The following ZZZ3 variants were observed in gnomAD, a reference collection of about 807,000 sequenced individuals.
The protein encoded by ZZZ3 is zinc finger ZZ-type containing 3, also known as ZZ-type zinc finger-containing protein 3.
A neutral mutation model predicts 95.2 loss-of-function variants in ZZZ3; 22 were observed. The observed-to-expected ratio is 0.23, with a 90% CI of 0.17 to 0.33. The LOEUF (loss-of-function observed/expected upper bound fraction) is 0.33, where lower values mean the gene tolerates loss of function less well. ZZZ3 is among the 10% of genes least tolerant of loss of function. The probability of loss-of-function intolerance (pLI) is 1.00; values close to 1 mark genes in which losing one functional copy is unlikely to be tolerated. For missense variants in ZZZ3, 885 were observed against 1,066.5 expected (o/e 0.83, Z 2.37); for synonymous variants, 335 against 358.9 (o/e 0.93, Z 0.75).
In ZZZ3 at chr1:77,651,760, A is replaced by G. The variant is rs61777119; in HGVS notation, c.-402-10105T>C. 6.6e-3 allele frequency among the ~76,000 whole-genome samples: 1,011 copies of G among 152,310 alleles called. 5 individuals are homozygous for G. Among genetic ancestry groups the G allele is most frequent in the Middle Eastern group, 0.014 (4 of 294 alleles). ...GGGCTGGGCACGGTGGCTCAGGCCT[A>G]TAATTCCAGCACTTTGGGAGGCCAA... is the stretch of plus-strand genomic sequence containing the variant. On this transcript the variant is annotated intron_variant, in intron 1 of 14. Transcript: ENST00000370801.
intron 5 of ZZZ3, among the ~76,000 whole-genome samples, chr1:77,623,769 T>C (rs1667092094): frequency 6.6e-6 from 1 of 152,220 alleles, no homozygotes; most frequent in Non-Finnish European, 1.5e-5. Flanking sequence ...CAGAAAATCT[T>C]GCCTGAGAGG....
At chr1:77,647,842 A>C (rs1669433595) in intron 1 of ZZZ3, among the ~76,000 whole-genome samples, 1 of 152,156 alleles carries the variant, frequency 6.6e-6, no homozygotes, top group Non-Finnish European at 1.5e-5. Flanking sequence ...CATGAAGTAC[A>C]ATGCTCAGTA....
At chr1:77,593,439 T>C (rs926342032) in intron 5 of ZZZ3, among the ~76,000 whole-genome samples, 2 of 152,140 alleles carry the variant, frequency 1.3e-5, no homozygotes, top group Non-Finnish European at 2.9e-5. Flanking sequence ...AATGAACAGA[T>C]ACAGTACGGT....
intron 12 of ZZZ3, among the ~76,000 whole-genome samples, chr1:77,574,970 G>A (rs941233291): frequency 2.6e-5 from 4 of 152,190 alleles, no homozygotes; most frequent in African/African-American, 4.8e-5. Flanking sequence ...CAGATCACGA[G>A]GTCAGGACAT....
intron 1 of ZZZ3, among the ~76,000 whole-genome samples, chr1:77,681,918 A>T (rs1431740873): frequency 6.6e-6 from 1 of 151,658 alleles, no homozygotes. Flanking sequence ...AAAAAAAAAA[A>T]TCACATGAAA....
At chr1:77,626,197 T>C (rs1667319706) in intron 5 of ZZZ3, among the ~76,000 whole-genome samples, 1 of 152,192 alleles carries the variant, frequency 6.6e-6, no homozygotes, top group East Asian at 1.9e-4. Context: ...TTACATATTT[T>C]AGAGCAGCAG....
intron 5 of ZZZ3, among the ~76,000 whole-genome samples, chr1:77,623,954 A>G (rs1667108777): frequency 6.6e-6 from 1 of 152,238 alleles, no homozygotes; most frequent in Non-Finnish European, 1.5e-5. Flanking sequence ...GTAGATCACA[A>G]CACAGATCTT....
At chr1:77,614,211 A>T (rs955763112) in intron 5 of ZZZ3, among the ~76,000 whole-genome samples, 1 of 152,222 alleles carries the variant, frequency 6.6e-6, no homozygotes, top group Non-Finnish European at 1.5e-5. Flanking sequence ...ACAGTAGCTT[A>T]TCAAGATACA....
intron 5 of ZZZ3, among the ~76,000 whole-genome samples, chr1:77,606,409 G>A (rs952178443): frequency 2.0e-5 from 3 of 152,196 alleles, no homozygotes; most frequent in Admixed American, 6.5e-5. Context: ...AGAGTCTCAG[G>A]GAACTCACCG....
intron 1 of ZZZ3, among the ~76,000 whole-genome samples, chr1:77,655,930 C>A (rs1012371829): frequency 2.6e-5 from 4 of 152,166 alleles, no homozygotes; most frequent in Admixed American, 2.6e-4. Context: ...ACTAGCAAGA[C>A]TGATTCATTT....
In ZZZ3 at chr1:77,681,842, T is replaced by G. The variant is rs376896592; in HGVS notation, c.-403+743A>C. Among the ~76,000 whole-genome samples, 19 of 143,246 alleles carry G rather than the reference T, an allele frequency of 1.3e-4. No individual in the cohort carries two copies. The South Asian group carries it at 3.4e-3, about 26-fold the overall frequency. The allele number at this position is 143,246 out of a possible 152,430, so 94.0% of individuals were successfully genotyped here. ...TGAACCCGGGAGGCGGAGGTTGCAA[T>G]GAGCCGAGATCGCCCCACTACACTC... On this transcript the variant is annotated intron_variant, in intron 1 of 14. Coordinates refer to ENST00000370801, the MANE Select transcript of ZZZ3 (RefSeq NM_015534.6).
chr1:77,626,588 C>A (rs1557738917), intron 5 of ZZZ3, among the ~76,000 whole-genome samples: 1 of 152,134 alleles, frequency 6.6e-6, no homozygotes, highest in African/African-American at 2.4e-5. Flanking sequence ...AGGTGCTGTT[C>A]ACCTCCTGGT....
At chr1:77,630,381 T>C (rs1472012275) in intron 5 of ZZZ3, among the ~76,000 whole-genome samples, 1 of 151,882 alleles carries the variant, frequency 6.6e-6, no homozygotes, top group African/African-American at 2.4e-5. Context: ...GAGGCTGAGA[T>C]GGGAGGATTG....
chr1:77,656,683 T>A (rs1256888485), intron 1 of ZZZ3, among the ~76,000 whole-genome samples: 4 of 152,206 alleles, frequency 2.6e-5, no homozygotes, highest in Admixed American at 2.0e-4. Context: ...GGCACAAAAA[T>A]TTTTACCAGC....
intron 1 of ZZZ3, among the ~76,000 whole-genome samples, chr1:77,653,784 A>G (rs1670023683): frequency 6.6e-6 from 1 of 152,082 alleles, no homozygotes; most frequent in Non-Finnish European, 1.5e-5. Flanking sequence ...AATATTACAA[A>G]TAACTTCATG....
chr1:77,635,197 T>C (rs1668187015), intron 4 of ZZZ3, among the ~76,000 whole-genome samples: 2 of 152,186 alleles, frequency 1.3e-5, no homozygotes, highest in Non-Finnish European at 2.9e-5. Context: ...TGCTGACAAG[T>C]GAATTAAGTG....
chr1:77,666,193 A>G (rs1671237687), intron 1 of ZZZ3, among the ~76,000 whole-genome samples: 1 of 152,222 alleles, frequency 6.6e-6, no homozygotes, highest in Non-Finnish European at 1.5e-5. Context: ...TTCACACTGC[A>G]ATGTTCCTAG....
intron 5 of ZZZ3, among the ~76,000 whole-genome samples, chr1:77,604,317 A>G (rs1347162393): frequency 1.3e-5 from 2 of 152,254 alleles, no homozygotes; most frequent in African/African-American, 4.8e-5. Flanking sequence ...TTTGAAAACC[A>G]CTACACTGTA....
rs528638198 is a variant in ZZZ3 at position 77,587,334 on chromosome 1, G to A, written c.1506-2679C>T. Among the ~76,000 whole-genome samples, 129 of 144,494 alleles carry A rather than the reference G, an allele frequency of 8.9e-4. 1 individual carries two copies. The highest frequency in any genetic ancestry group is 3.3e-3 in the African/African-American group (126 of 38,506). The allele number at this position is 144,494 out of a possible 152,430, so 94.8% of individuals were successfully genotyped here. Reference sequence around the variant, plus strand: ...CTGGAGTGGGCAGTGGTGTGATCTCGGCTCCCTGCAAGCTCTGCCTCCCGG... The same window carrying A: ...CTGGAGTGGGCAGTGGTGTGATCTCAGCTCCCTGCAAGCTCTGCCTCCCGG... On this transcript the variant is annotated intron_variant, in intron 5 of 14. Coordinates refer to ENST00000370801, the MANE Select transcript of ZZZ3 (RefSeq NM_015534.6).
Sources: allele counts gnomAD v4.1 joint callset (sites outside exome capture counted in the v4.1 genomes callset), GRCh38; gene constraint gnomAD v4.1.1; transcripts MANE v1.5; gene names NCBI Gene and HGNC (gene_info 2026-07-23, HGNC 2026-07-21).